The following POLR2B variants were observed in gnomAD, a reference collection of about 807,000 sequenced individuals.
POLR2B encodes the protein RNA polymerase II subunit B, also known as DNA-directed RNA polymerase II subunit RPB2.
POLR2B carries 57 observed loss-of-function variants against 144.6 expected under a neutral mutation model. That is an observed-to-expected ratio of 0.39 (90% CI 0.32 to 0.49). The LOEUF (loss-of-function observed/expected upper bound fraction) is 0.49. Ranked by LOEUF, POLR2B falls within the 20% of genes least tolerant of loss-of-function variation. The probability of loss-of-function intolerance (pLI) is 0.83; values close to 1 mark genes in which losing one functional copy is unlikely to be tolerated. For missense variants in POLR2B, 595 were observed against 1,467.4 expected (o/e 0.41, Z 9.71); for synonymous variants, 442 against 469.8 (o/e 0.94, Z 0.77).
At chr4:57,025,982 A>G (rs1399509667) in intron 23 of POLR2B, among the ~76,000 whole-genome samples, 1 of 152,104 alleles carries the variant, frequency 6.6e-6, no homozygotes, top group Admixed American at 6.5e-5. Context: ...CATGTCTGCA[A>G]TCCCAGCACT....
intron 7 of POLR2B, among the ~76,000 whole-genome samples, 164 bp from the exon 8 acceptor site, chr4:57,005,082 G>C (rs1722975680): frequency 6.6e-6 from 1 of 152,156 alleles, no homozygotes; most frequent in Non-Finnish European, 1.5e-5. Flanking sequence ...CTAGATCTCT[G>C]AGGTATCTTC....
chr4:57,018,023 A>G (rs1723423897), intron 16 of POLR2B, among the ~76,000 whole-genome samples: 2 of 152,124 alleles, frequency 1.3e-5, no homozygotes, highest in Admixed American at 6.5e-5. Flanking sequence ...ATGAAGGGGT[A>G]TTTGCATTTG....
intron 24 of POLR2B, 48 bp from the exon 25 acceptor site, chr4:57,030,851 G>T (rs747113472): frequency 3.5e-5 from 36 of 1,041,912 alleles, no homozygotes; most frequent in Admixed American, 6.8e-5. Context: ...GAGAAGTGGG[G>T]TCACTTCAAT....
chr4:56,997,643 T>C (rs889157239), intron 6 of POLR2B, among the ~76,000 whole-genome samples: 2 of 152,202 alleles, frequency 1.3e-5, no homozygotes, highest in African/African-American at 4.8e-5. Context: ...AGGACATTCT[T>C]ATTAGAGGAG....
intron 3 of POLR2B, among the ~76,000 whole-genome samples, chr4:56,993,129 C>A (rs901510085): frequency 2.0e-5 from 3 of 151,664 alleles, no homozygotes; most frequent in Non-Finnish European, 4.4e-5. Context: ...CTTGGTGAAG[C>A]CCCATCTCTA....
intron 1 of POLR2B, chr4:56,985,336 T>C: frequency 1.0e-6 from 1 of 985,514 alleles, no homozygotes. Flanking sequence ...GCCCATTCCG[T>C]GCCCGGTAGC....
rs2109717919 is a variant in POLR2B, at chr4:57,024,055, C to T, written c.2907C>T (p.Pro969=). Residue 969 remains proline (P), a synonymous_variant, in exon 21 of 25, where the codon CCC becomes CCT. Coordinates refer to ENST00000314595, the MANE Select transcript of POLR2B (RefSeq NM_000938.3). The stretch of plus-strand genomic sequence containing the variant: ...TCACCCCTGATATCATCATCAATCC[C>T]CATGCCATCCCCTCTCGTATGACTA... The part of the protein sequence containing the change: ...EGITPDIIIN[P]HAIPSRMTIG... 6.2e-7 allele frequency: 1 copy of T among 1,610,962 alleles called. No individual in the cohort carries two copies. Among genetic ancestry groups the T allele is most frequent in the Non-Finnish European group, 8.5e-7 (1 of 1,177,850 alleles).
intron 11 of POLR2B, 104 bp downstream of exon 11, chr4:57,010,608 T>G: frequency 7.3e-7 from 1 of 1,369,074 alleles, no homozygotes; most frequent in Admixed American, 2.3e-5. Flanking sequence ...CAGAGTGGTT[T>G]AGAAATAAGT....
intron 23 of POLR2B, among the ~76,000 whole-genome samples, chr4:57,029,430 A>G (rs929153765): frequency 6.6e-6 from 1 of 152,150 alleles, no homozygotes; most frequent in East Asian, 1.9e-4. Flanking sequence ...TGGTTGTCTA[A>G]TGATCCAGAT....
chr4:57,012,127 G>A (rs1046667330), intron 13 of POLR2B, among the ~76,000 whole-genome samples: 2 of 151,938 alleles, frequency 1.3e-5, no homozygotes, highest in Non-Finnish European at 2.9e-5. Flanking sequence ...CAATAAGGCC[G>A]GGCCTGGTGG....
In POLR2B at chr4:57,022,247, G is replaced by GT; in HGVS notation, c.2515+2dup. The GT allele has an allele frequency of 1.3e-6, 2 of 1,570,876 alleles. No homozygotes were observed. The highest frequency in any genetic ancestry group is 1.7e-6 in the Non-Finnish European group (2 of 1,145,984). On this transcript the variant is annotated splice_donor_variant, in intron 18 of 24. Coordinates refer to ENST00000314595, the MANE Select transcript of POLR2B (RefSeq NM_000938.3). LOFTEE classifies it high-confidence loss of function. ...AAGCCTACACGTGAAACATGCCAGG[G>GT]TAAGTGACACTAACATTTAAATGAT... is the stretch of plus-strand genomic sequence containing the variant.
Position 57,023,290 on chromosome 4 carries a change from G to T in POLR2B, c.2516-40G>T, listed in dbSNP as rs768151415. On this transcript the variant is annotated intron_variant, in intron 18 of 24. Coordinates refer to ENST00000314595, the MANE Select transcript of POLR2B (RefSeq NM_000938.3). This position sits in a 1 kb window ranked among gnomAD's most constrained non-coding sequence, Gnocchi z 4.3. ...TTCATGTATGTGGTTTTTAATCTTTGTTGGGGATTATGTGACATTCCGTGT... is the reference window on the plus strand; with the variant it reads ...TTCATGTATGTGGTTTTTAATCTTTTTTGGGGATTATGTGACATTCCGTGT... The T allele has an allele frequency of 5.6e-6, 9 of 1,607,174 alleles. No homozygotes were observed. The highest frequency in any genetic ancestry group is 6.8e-6 in the Non-Finnish European group (8 of 1,175,636).
intron 2 of POLR2B, among the ~76,000 whole-genome samples, chr4:56,987,145 C>T (rs772943687): frequency 3.9e-5 from 6 of 152,074 alleles, no homozygotes; most frequent in Non-Finnish European, 7.4e-5. Context: ...TTACTTTTGG[C>T]AGAAGTGACA....
intron 21 of POLR2B, among the ~76,000 whole-genome samples, chr4:57,024,571 C>G (rs1264599986): frequency 2.0e-5 from 3 of 152,220 alleles, no homozygotes; most frequent in African/African-American, 7.2e-5. Flanking sequence ...ATCTGAAGTA[C>G]TTAGGAGTCT....
At chr4:57,006,787 G>A (rs73167832) in intron 9 of POLR2B, 29 bp from the exon 10 acceptor site, 1 of 1,558,592 alleles carries the variant, frequency 6.4e-7, no homozygotes, top group African/African-American at 1.4e-5. Context: ...ACCTCTACAT[G>A]TTTAAAATAA....
At chr4:56,991,044 A>G in intron 3 of POLR2B, 146 bp downstream of exon 3, 1 of 571,442 alleles carries the variant, frequency 1.7e-6, no homozygotes, top group East Asian at 3.0e-5. Flanking sequence ...TTTCTGATTT[A>G]TTTTCTCTAA....
chr4:57,024,165 C>T (rs2109718113), intron 21 of POLR2B, 53 bp downstream of exon 21: 1 of 936,190 alleles, frequency 1.1e-6, no homozygotes, highest in Non-Finnish European at 1.7e-6. Flanking sequence ...TCTTCTAAAA[C>T]TCTGATAGGT....
At chr4:57,002,620 C>T (rs1424082095) in intron 7 of POLR2B, 3 of 152,050 alleles carry the variant, frequency 2.0e-5, no homozygotes, top group Non-Finnish European at 2.9e-5. Flanking sequence ...TGTGACCTCA[C>T]TTTGGTTGAC....
intron 8 of POLR2B, 62 bp downstream of exon 8, chr4:57,005,504 T>G: frequency 6.7e-7 from 1 of 1,492,100 alleles, no homozygotes; most frequent in Non-Finnish European, 9.0e-7. Flanking sequence ...AAGGTTTTTC[T>G]TAGAGTCAAA....
Sources: gnomAD v4.1 joint callset for allele counts (sites outside exome capture counted in the v4.1 genomes callset) on GRCh38, gnomAD v4.1.1 for gene constraint, Gnocchi (gnomAD v3.1) non-coding constraint, MANE v1.5 for transcripts, NCBI Gene and HGNC (gene_info 2026-07-23, HGNC 2026-07-21) for gene names.